Variants in CFAP53 observed in about 807,000 individuals in gnomAD.
CFAP53 encodes cilia- and flagella-associated protein 53.
Under a neutral mutation model 59.7 loss-of-function variants are expected in CFAP53, and 62 were observed. The observed-to-expected ratio is 1.04, with a 90% CI of 0.85 to 1.28. The LOEUF (loss-of-function observed/expected upper bound fraction) is 1.28, where lower values mean the gene tolerates loss of function less well. Ranked by LOEUF, CFAP53 falls within the 50% of genes most tolerant of loss-of-function variation. The probability of loss-of-function intolerance (pLI) is 0.00; values close to 1 mark genes in which losing one functional copy is unlikely to be tolerated. For synonymous variants in CFAP53, 218 were observed against 205.7 expected (o/e 1.06, Z -0.51); for missense variants, 629 against 615.6 (o/e 1.02, Z -0.23).
chr18:50,229,430 G>A (rs2033558190), intron 7 of CFAP53, among the ~76,000 whole-genome samples: 1 of 152,064 alleles, frequency 6.6e-6, no homozygotes. Flanking sequence ...GCTTTTTAAG[G>A]CTGAAAAATA....
chr18:50,257,176 T>C (rs977750563), intron 3 of CFAP53, among the ~76,000 whole-genome samples: 1 of 152,090 alleles, frequency 6.6e-6, no homozygotes, highest in Non-Finnish European at 1.5e-5. Context: ...GGGTCATTCA[T>C]GTGATCATCA....
At chr18:50,240,293 A>G (rs1245188322) in intron 6 of CFAP53, among the ~76,000 whole-genome samples, 2 of 151,736 alleles carry the variant, frequency 1.3e-5, no homozygotes, top group Non-Finnish European at 2.9e-5. Flanking sequence ...TACCTGCTCC[A>G]CCCTAACTCA....
At chr18:50,247,136 A>G (rs2033752910) in intron 5 of CFAP53, among the ~76,000 whole-genome samples, 1 of 152,340 alleles carries the variant, frequency 6.6e-6, no homozygotes, top group Middle Eastern at 3.4e-3. Flanking sequence ...CTTCTCTAAG[A>G]ATAGAGAATA....
chr18:50,240,086 T>C (rs1022401512), intron 6 of CFAP53, among the ~76,000 whole-genome samples: 1 of 152,130 alleles, frequency 6.6e-6, no homozygotes, highest in Non-Finnish European at 1.5e-5. Context: ...CTCATTCAGA[T>C]TACCTGCTCC....
At chr18:50,265,953 C>T (rs1456093279) in intron 1 of CFAP53, among the ~76,000 whole-genome samples, 2 of 152,216 alleles carry the variant, frequency 1.3e-5, no homozygotes, top group African/African-American at 4.8e-5. Context: ...CGCCCTGCCC[C>T]CAGATCTGTC....
At chr18:50,253,141 G>A (rs995191104) in intron 3 of CFAP53, among the ~76,000 whole-genome samples, 6 of 151,702 alleles carry the variant, frequency 4.0e-5, no homozygotes, top group East Asian at 1.9e-4. Flanking sequence ...CTCAGCCTCC[G>A]GAGTAGCTGG....
intron 3 of CFAP53, among the ~76,000 whole-genome samples, chr18:50,252,297 G>C (rs2033808989): frequency 6.6e-6 from 1 of 151,906 alleles, no homozygotes; most frequent in Non-Finnish European, 1.5e-5. Flanking sequence ...GTAGAGACGG[G>C]GTTTCACCGT....
In CFAP53 at chr18:50,237,389, C is replaced by T. The variant is rs901564799; in HGVS notation, c.1316+1214G>A. Among the ~76,000 whole-genome samples the T allele has an allele frequency of 6.1e-3, 474 of 77,862 alleles. 4 individuals carry two copies. Among genetic ancestry groups the T allele is most frequent in the Admixed American group, 9.4e-3 (58 of 6,162 alleles). 51.1% of individuals were successfully genotyped at this position (77,862 alleles called of 152,430 possible). On this transcript the variant is annotated intron_variant, in intron 7 of 7. Transcript: ENST00000398545. Reference sequence around the variant, plus strand: ...ATATACACACACACACACACATACACACACACACACACACATATATATATA... The same window carrying T: ...ATATACACACACACACACACATACATACACACACACACACATATATATATA...
chr18:50,249,078 C>T (rs1421750588), intron 5 of CFAP53, among the ~76,000 whole-genome samples: 1 of 151,702 alleles, frequency 6.6e-6, no homozygotes, highest in Non-Finnish European at 1.5e-5. Flanking sequence ...TGGCACCCGC[C>T]TGTAATCCCA....
At chr18:50,231,708 A>G (rs2033585363) in intron 7 of CFAP53, among the ~76,000 whole-genome samples, 1 of 152,208 alleles carries the variant, frequency 6.6e-6, no homozygotes, top group Non-Finnish European at 1.5e-5. Context: ...GAAGAGAGGA[A>G]GGCTTCCTCC....
intron 6 of CFAP53, among the ~76,000 whole-genome samples, chr18:50,242,650 G>A (rs1335968741): frequency 3.9e-5 from 6 of 152,162 alleles, no homozygotes; most frequent in Non-Finnish European, 8.8e-5. Flanking sequence ...TAATCACCAA[G>A]ACATACAGTA....
chr18:50,262,480 T>C (rs2033903395), intron 1 of CFAP53, among the ~76,000 whole-genome samples: 1 of 152,178 alleles, frequency 6.6e-6, no homozygotes, highest in Admixed American at 6.6e-5. Context: ...ATTACAAAGT[T>C]AAAAATGTGA....
intron 1 of CFAP53, 92 bp from the exon 2 acceptor site, chr18:50,262,311 A>G: frequency 9.5e-7 from 1 of 1,054,796 alleles, no homozygotes; most frequent in Non-Finnish European, 1.4e-6. Context: ...ACTCATACTA[A>G]ATAAAATTGG....
At chr18:50,240,984 T>C (rs557323185) in intron 6 of CFAP53, among the ~76,000 whole-genome samples, 2 of 152,174 alleles carry the variant, frequency 1.3e-5, no homozygotes, top group Non-Finnish European at 2.9e-5. Context: ...TGAGGGAACA[T>C]AGTGGCATAC....
chr18:50,237,634 C>T (rs1449595080), intron 7 of CFAP53, among the ~76,000 whole-genome samples: 1 of 151,902 alleles, frequency 6.6e-6, no homozygotes, highest in African/African-American at 2.4e-5. Context: ...AAGCCGGGTC[C>T]TCTTCCTCCA....
At chr18:50,238,741 T>C (rs755223561) in intron 6 of CFAP53, 36 bp from the exon 7 acceptor site, 2 of 1,513,854 alleles carry the variant, frequency 1.3e-6, no homozygotes, top group Non-Finnish European at 1.8e-6. Context: ...GTCAAATGAC[T>C]TTCAGACAAG....
chr18:50,262,182 T>C lies in CFAP53; in HGVS notation c.107A>G (p.His36Arg), dbSNP rs774115398. ...ATGGCTGCGTCGGATTCTTTCTAGA[T>C]GGTGCTCAGCTCCTTGGCCTTTAGG... ...KPPKGQGAEH[H>R]LERIRRSHQK... Residue 36 changes from histidine (H) to arginine (R), a missense_variant, in exon 2 of 8, where the codon CAT becomes CGT. His to Arg is a conservative substitution (Grantham distance 29, BLOSUM62 0). Coordinates refer to ENST00000398545, the MANE Select transcript of CFAP53 (RefSeq NM_145020.5). 20 of 1,614,116 alleles carry C rather than the reference T, an allele frequency of 1.2e-5. No individual in the cohort carries two copies. Among genetic ancestry groups the C allele is most frequent in the Non-Finnish European group, 1.5e-5 (18 of 1,180,050 alleles).
intron 6 of CFAP53, 100 bp downstream of exon 6, chr18:50,242,800 T>G: frequency 1.0e-6 from 1 of 958,336 alleles, no homozygotes; most frequent in Non-Finnish European, 1.6e-6. Context: ...GCATCCCTCA[T>G]GGTGTTTTAC....
chr18:50,251,828 G>A, intron 3 of CFAP53, 44 bp from the exon 4 acceptor site: 1 of 1,531,910 alleles, frequency 6.5e-7, no homozygotes, highest in South Asian at 1.2e-5. Flanking sequence ...CCTTTCGTGA[G>A]GCACTGCTCT....
Sources: allele counts gnomAD v4.1 joint callset (sites outside exome capture counted in the v4.1 genomes callset), GRCh38; gene constraint gnomAD v4.1.1; transcripts MANE v1.5; gene names NCBI Gene and HGNC (gene_info 2026-07-23, HGNC 2026-07-21).